Variants in GRB2 observed in about 807,000 individuals in gnomAD.
The protein encoded by GRB2 is growth factor receptor bound protein 2, also known as growth factor receptor-bound protein 2.
Under a neutral mutation model 27.4 loss-of-function variants are expected in GRB2, and 2 were observed. The ratio of observed to expected loss-of-function variants is 0.07; its 90% CI spans 0.03 to 0.23. The LOEUF (loss-of-function observed/expected upper bound fraction) is 0.23. GRB2 is among the 10% of genes least tolerant of loss of function. The pLI is 1.00. For missense variants in GRB2, 102 were observed against 282.4 expected (o/e 0.36, Z 4.58); for synonymous variants, 94 against 99.6 (o/e 0.94, Z 0.33).
At chr17:75,341,183 G>A (rs1338024494) in intron 2 of GRB2, among the ~76,000 whole-genome samples, 1 of 152,098 alleles carries the variant, frequency 6.6e-6, no homozygotes, top group African/African-American at 2.4e-5. Context: ...TGTAATCCCA[G>A]CACTTTGGCA....
At chr17:75,333,100 G>GTTTTTTT (rs2078552113) in intron 2 of GRB2, among the ~76,000 whole-genome samples, 1 of 151,934 alleles carries the variant, frequency 6.6e-6, no homozygotes. Flanking sequence ...TTTTAAGACG[G>GTTTTTTT]AGTCTTGCTC....
intron 2 of GRB2, among the ~76,000 whole-genome samples, chr17:75,367,118 C>A (rs2078825014): frequency 6.6e-6 from 1 of 152,118 alleles, no homozygotes; most frequent in Non-Finnish European, 1.5e-5. Context: ...TTCAGAAAGT[C>A]TATGGTAATG....
chr17:75,362,358 T>C (rs147835990), intron 2 of GRB2, among the ~76,000 whole-genome samples: 317 of 152,358 alleles, frequency 2.1e-3, no homozygotes, highest in Middle Eastern at 3.4e-3. Flanking sequence ...CTGTGCTTTA[T>C]GCATGAAGAG....
At chr17:75,328,390 C>A (rs1042859935) in intron 3 of GRB2, among the ~76,000 whole-genome samples, 1 of 151,596 alleles carries the variant, frequency 6.6e-6, no homozygotes, top group Non-Finnish European at 1.5e-5. Flanking sequence ...CCTGTAATCG[C>A]AGCACTTTGG....
chr17:75,393,520 T>G (rs1432960242), intron 2 of GRB2, 31 bp downstream of exon 2: 2 of 1,568,442 alleles, frequency 1.3e-6, no homozygotes, highest in Admixed American at 1.7e-5. Flanking sequence ...GGGAGAGCGA[T>G]CTCAGCATTG....
intron 2 of GRB2, among the ~76,000 whole-genome samples, chr17:75,378,864 G>A (rs4789182): frequency 0.55 from 84,294 of 152,078 alleles, 28,289 homozygotes; most frequent in East Asian, 0.87. Context: ...GATATATGAC[G>A]TGGACTACTT....
At position 75,320,460 on chromosome 17, in the gene GRB2, T is replaced by C. The variant is rs748660687; in HGVS notation, c.562A>G (p.Asn188Asp). The C allele has an allele frequency of 6.2e-7, 1 of 1,614,092 alleles. No individual in the cohort carries two copies. The highest frequency in any genetic ancestry group is 8.5e-7 in the Non-Finnish European group (1 of 1,179,934). ...CCTTTCCACCAGTTGGGGTCTGAGT[T>C]ATCCATGACATGGATAAAATCTCCC... ...RRGDFIHVMD[N>D]SDPNWWKGAC... The change falls in exon 6 of 6, where the codon AAC becomes GAC. Residue 188 changes from asparagine (N) to aspartate (D), a missense_variant. Physicochemically the swap from Asn to Asp is conservative, Grantham distance 23. Around this residue, in one of 3 missense-constraint regions of GRB2, gnomAD observed 57 missense variants for 152.9 expected, o/e 0.37. Transcript: ENST00000316804. The surrounding 1 kb of genome is among the most constrained non-coding windows in gnomAD (Gnocchi z 4.3).
At chr17:75,337,896 T>TACTACTACTACTACC in intron 2 of GRB2, among the ~76,000 whole-genome samples, 1 of 129,150 alleles carries the variant, frequency 7.7e-6, no homozygotes, top group South Asian at 2.6e-4. Flanking sequence ...CTACTACTAC[T>TACTACTACTACTACC]ACTACTATTA....
chr17:75,345,979 TGA>T (rs2078652318), intron 2 of GRB2, among the ~76,000 whole-genome samples: 2 of 152,196 alleles, frequency 1.3e-5, no homozygotes, highest in South Asian at 4.2e-4. Context: ...CAGAAGTCGC[TGA>T]GAGTGACATT....
intron 2 of GRB2, among the ~76,000 whole-genome samples, chr17:75,378,160 G>T (rs2078906256): frequency 6.6e-6 from 1 of 151,982 alleles, no homozygotes; most frequent in South Asian, 2.1e-4. Context: ...CCGAGGTGGG[G>T]GGGAGGATCA....
At chr17:75,355,313 G>A (rs900853382) in intron 2 of GRB2, among the ~76,000 whole-genome samples, 1 of 152,042 alleles carries the variant, frequency 6.6e-6, no homozygotes, top group Non-Finnish European at 1.5e-5. Flanking sequence ...TGGGAGTGGG[G>A]TGAAAGCAGA....
At chr17:75,394,036 G>A (rs1276593992) in intron 1 of GRB2, 3 of 210,504 alleles carry the variant, frequency 1.4e-5, no homozygotes, top group Non-Finnish European at 2.9e-5. Context: ...TGTGCACTGC[G>A]TGCAGGAACC....
chr17:75,335,550 G>A (rs1050082568), intron 2 of GRB2, among the ~76,000 whole-genome samples: 7 of 152,158 alleles, frequency 4.6e-5, no homozygotes, highest in Non-Finnish European at 8.8e-5. Context: ...TAATGACTAC[G>A]CTTTCTTAAC....
chr17:75,384,926 G>C (rs890687818), intron 2 of GRB2, among the ~76,000 whole-genome samples: 1 of 150,392 alleles, frequency 6.6e-6, no homozygotes, highest in Non-Finnish European at 1.5e-5. Flanking sequence ...GGCCGGGCGC[G>C]GTAGCTCATG....
chr17:75,378,427 A>T (rs2078908355), intron 2 of GRB2, among the ~76,000 whole-genome samples: 1 of 152,086 alleles, frequency 6.6e-6, no homozygotes, highest in African/African-American at 2.4e-5. Context: ...AGCAAGTTAC[A>T]CAAGAATAAT....
chr17:75,363,625 C>A (rs1209134878), intron 2 of GRB2, among the ~76,000 whole-genome samples: 1 of 110,858 alleles, frequency 9.0e-6, no homozygotes, highest in Non-Finnish European at 2.2e-5. Context: ...TTTGGGAGGC[C>A]GAGGAGGGTG....
At chr17:75,345,334 G>A (rs1311646576) in intron 2 of GRB2, among the ~76,000 whole-genome samples, 2 of 152,112 alleles carry the variant, frequency 1.3e-5, no homozygotes, top group Admixed American at 6.5e-5. Context: ...GTGAACCACC[G>A]CACCCCGCCC....
rs576138137 is a variant in GRB2, at chr17:75,347,184, C to A, written c.79-14387G>T. ...GGTTTCTAGAGAAACTTCGCCCACA[C>A]TGATAGCGGCAGGAGGCAGACAAAT... On this transcript the variant is annotated intron_variant, in intron 2 of 5. Coordinates refer to ENST00000316804, the MANE Select transcript of GRB2 (RefSeq NM_002086.5). Among the ~76,000 whole-genome samples the A allele has an allele frequency of 9.2e-5, 14 of 152,286 alleles. No individual in the cohort carries two copies. The East Asian group carries it at 2.7e-3, about 29-fold the overall frequency.
rs114677528 is a variant in GRB2, at chr17:75,369,880, A to G, written c.78+23671T>C. The stretch of plus-strand genomic sequence containing the variant: ...CAAAAAAAAAAAACTGTTTTTGACT[A>G]TGGCTGATGGTATTTAAGAACTTAC... On this transcript the variant is annotated intron_variant, in intron 2 of 5. Transcript: ENST00000316804. 3.4e-3 allele frequency among the ~76,000 whole-genome samples: 509 copies of G among 151,768 alleles called. 4 individuals are homozygous for G. Among genetic ancestry groups the G allele is most frequent in the African/African-American group, 0.012 (481 of 41,496 alleles).
Sources: gnomAD v4.1 joint callset for allele counts (sites outside exome capture counted in the v4.1 genomes callset) on GRCh38, gnomAD v4.1.1 for gene constraint, gnomAD v4.1.1 regional missense constraint, Gnocchi (gnomAD v3.1) non-coding constraint, MANE v1.5 for transcripts, NCBI Gene and HGNC (gene_info 2026-07-23, HGNC 2026-07-21) for gene names.